RUNX2: variants seen among roughly 807,000 people sequenced by gnomAD.
RUNX2 encodes runt-related transcription factor 2.
RUNX2 carries 10 observed loss-of-function variants against 51.7 expected under a neutral mutation model. The ratio of observed to expected loss-of-function variants is 0.19; its 90% CI spans 0.12 to 0.33. RUNX2 has a LOEUF of 0.33. RUNX2 is among the 10% of genes least tolerant of loss of function. The pLI is 1.00. For missense variants in RUNX2, 562 were observed against 691.3 expected (o/e 0.81, Z 2.10); for synonymous variants, 276 against 273.6 (o/e 1.01, Z -0.09).
At chr6:45,505,360 C>CTTT (rs1203690597) in intron 6 of RUNX2, among the ~76,000 whole-genome samples, 5 of 139,910 alleles carry the variant, frequency 3.6e-5, no homozygotes, top group African/African-American at 1.0e-4. Context: ...CCTGGGATGC[C>CTTT]TTTTTTTTTT....
chr6:45,386,464 G>A (rs1345688835), intron 2 of RUNX2, among the ~76,000 whole-genome samples: 1 of 152,180 alleles, frequency 6.6e-6, no homozygotes, highest in South Asian at 2.1e-4. Flanking sequence ...TTGTAGCAGA[G>A]ACACAATTAG....
At chr6:45,371,817 A>G (rs1796112713) in intron 2 of RUNX2, 1 of 983,844 alleles carries the variant, frequency 1.0e-6, no homozygotes. Context: ...GGAGGGAACC[A>G]AAGACATCTG....
intron 6 of RUNX2, among the ~76,000 whole-genome samples, chr6:45,495,379 A>C (rs566942671): frequency 6.6e-6 from 1 of 152,208 alleles, no homozygotes; most frequent in Non-Finnish European, 1.5e-5. Context: ...CCAGGATGTC[A>C]TTGTTCCCTA....
At position 45,550,511 on chromosome 6, in the gene RUNX2, A is replaced by G. The variant is rs926306187; in HGVS notation, c.*3206A>G. 19 of 152,570 alleles carry G rather than the reference A, an allele frequency of 1.2e-4. No homozygotes were observed. The highest frequency in any genetic ancestry group is 3.1e-4 in the African/African-American group (13 of 41,454). The allele number at this position is 152,570 out of a possible 1,614,324, so 9.5% of individuals were successfully genotyped here. ...ATCCAGGTTAATACATGGAAACACG[A>G]AGCATTAGCAAAAGTAATAATTATA... On this transcript the variant is annotated 3_prime_UTR_variant, in exon 9 of 9. Coordinates refer to ENST00000647337, the MANE Select transcript of RUNX2 (RefSeq NM_001024630.4).
intron 2 of RUNX2, among the ~76,000 whole-genome samples, chr6:45,331,884 A>T (rs1006247220): frequency 1.3e-5 from 2 of 152,032 alleles, no homozygotes; most frequent in African/African-American, 2.4e-5. Flanking sequence ...TAAATCAGTC[A>T]TGCTAAAGTT....
intron 5 of RUNX2, among the ~76,000 whole-genome samples, chr6:45,479,232 G>T (rs1800042938): frequency 6.6e-6 from 1 of 152,186 alleles, no homozygotes; most frequent in Non-Finnish European, 1.5e-5. Context: ...TTCTTTCAGG[G>T]ATTATCCCAT....
intron 5 of RUNX2, among the ~76,000 whole-genome samples, chr6:45,491,431 G>A (rs960234762): frequency 1.3e-5 from 2 of 152,076 alleles, no homozygotes; most frequent in African/African-American, 4.8e-5. Context: ...TCTTAGTAAA[G>A]AGTAGTTGTA....
intron 5 of RUNX2, among the ~76,000 whole-genome samples, chr6:45,482,912 G>C (rs1279270179): frequency 6.6e-6 from 1 of 152,196 alleles, no homozygotes; most frequent in Non-Finnish European, 1.5e-5. Context: ...AGAGCTGAAA[G>C]GGGACTCTTG....
At chr6:45,515,572 C>T (rs1801295348) in intron 7 of RUNX2, among the ~76,000 whole-genome samples, 1 of 152,134 alleles carries the variant, frequency 6.6e-6, no homozygotes, top group African/African-American at 2.4e-5. Context: ...ACTTTTCCTT[C>T]AGAAAATAGA....
intron 2 of RUNX2, among the ~76,000 whole-genome samples, chr6:45,349,889 A>G (rs1384083987): frequency 6.6e-6 from 1 of 152,220 alleles, no homozygotes; most frequent in Non-Finnish European, 1.5e-5. Flanking sequence ...CTCCTTTTAA[A>G]TAAAAAGATC....
chr6:45,543,959 C>G (rs935698017), intron 7 of RUNX2, among the ~76,000 whole-genome samples: 1 of 150,442 alleles, frequency 6.6e-6, no homozygotes, highest in African/African-American at 2.5e-5. Flanking sequence ...TAAGGGATCT[C>G]GTATGGTACT....
At chr6:45,413,667 G>C (rs1316224072) in intron 2 of RUNX2, among the ~76,000 whole-genome samples, 2 of 151,972 alleles carry the variant, frequency 1.3e-5, no homozygotes, top group African/African-American at 4.8e-5. Flanking sequence ...CTGACCTTGT[G>C]ATCCGCCAGC....
At chr6:45,469,219 A>G (rs1799727416) in intron 5 of RUNX2, among the ~76,000 whole-genome samples, 1 of 152,206 alleles carries the variant, frequency 6.6e-6, no homozygotes, top group African/African-American at 2.4e-5. Flanking sequence ...TGTTATTTAC[A>G]TGTTATAAGA....
At chr6:45,388,397 C>T (rs1416870534) in intron 2 of RUNX2, among the ~76,000 whole-genome samples, 1 of 152,164 alleles carries the variant, frequency 6.6e-6, no homozygotes, top group Non-Finnish European at 1.5e-5. Context: ...TTGCAGCTAG[C>T]CCAGAGCATA....
At chr6:45,541,319 C>CA (rs1465915506) in intron 7 of RUNX2, among the ~76,000 whole-genome samples, 1 of 151,896 alleles carries the variant, frequency 6.6e-6, no homozygotes, top group African/African-American at 2.4e-5. Flanking sequence ...AGTAAGGGTC[C>CA]AAAAGAGTGA....
rs563772449 is a variant in RUNX2, at chr6:45,492,043, C to A, written c.788C>A (p.Pro263His). 58 of 1,613,944 alleles carry A rather than the reference C, an allele frequency of 3.6e-5. 1 individual carries two copies. The South Asian group carries it at 6.0e-4, about 17-fold the overall frequency. Residue 263 changes from proline to histidine, a missense_variant, in exon 6 of 9, where the codon CCT becomes CAT. Coordinates refer to ENST00000647337, the MANE Select transcript of RUNX2 (RefSeq NM_001024630.4). ...PHPSMRVGVP[P>H]QNPRPSLNSA... Reference sequence around the variant, plus strand: ...CCCAGTATGAGAGTAGGTGTCCCGCCTCAGAACCCACGGCCCTCCCTGAAC... The same window carrying A: ...CCCAGTATGAGAGTAGGTGTCCCGCATCAGAACCCACGGCCCTCCCTGAAC...
Position 45,529,869 on chromosome 6 carries a change from A to G in RUNX2, c.1022-15348A>G, listed in dbSNP as rs528232691. ...AATGAATTCCCCTCCTCTTCAGATG[A>G]GTGGCTGGACTTGCTTATACTAATG... On this transcript the variant is annotated intron_variant, in intron 7 of 8. Coordinates refer to ENST00000647337, the MANE Select transcript of RUNX2 (RefSeq NM_001024630.4). 1.1e-4 allele frequency among the ~76,000 whole-genome samples: 16 copies of G among 152,296 alleles called. 1 individual carries two copies. The South Asian group carries it at 2.9e-3, about 28-fold the overall frequency.
intron 5 of RUNX2, among the ~76,000 whole-genome samples, chr6:45,438,911 G>C (rs921941835): frequency 1.3e-5 from 2 of 152,206 alleles, no homozygotes; most frequent in South Asian, 2.1e-4. Flanking sequence ...CCTTTGCTGA[G>C]TGAATACATT....
chr6:45,333,913 C>G (rs1158062701), intron 2 of RUNX2, among the ~76,000 whole-genome samples: 1 of 151,188 alleles, frequency 6.6e-6, no homozygotes, highest in Non-Finnish European at 1.5e-5. Context: ...TGATTTTCAT[C>G]TTTTAAATCA....
Sources: gnomAD v4.1 joint callset for allele counts (sites outside exome capture counted in the v4.1 genomes callset) on GRCh38, gnomAD v4.1.1 for gene constraint, MANE v1.5 for transcripts, NCBI Gene and HGNC (gene_info 2026-07-23, HGNC 2026-07-21) for gene names.